The following EPHA5 variants were observed in gnomAD, a reference collection of about 807,000 sequenced individuals.
EPHA5 encodes the protein EPH receptor A5, also known as ephrin type-A receptor 5.
A neutral mutation model predicts 105.0 loss-of-function variants in EPHA5; 60 were observed. The ratio of observed to expected loss-of-function variants is 0.57; its 90% CI spans 0.46 to 0.71. The LOEUF (loss-of-function observed/expected upper bound fraction) is 0.71. EPHA5 is among the 30% of genes least tolerant of loss of function. The pLI, the probability that EPHA5 is intolerant of heterozygous loss-of-function variation, is 0.00. For synonymous variants in EPHA5, 513 were observed against 449.1 expected (o/e 1.14, Z -1.80); for missense variants, 1,218 against 1,274.7 (o/e 0.96, Z 0.68).
chr4:65,636,724 G>A (rs555251116), intron 2 of EPHA5, among the ~76,000 whole-genome samples: 1 of 152,066 alleles, frequency 6.6e-6, no homozygotes, highest in East Asian at 1.9e-4. Flanking sequence ...AGTGACCTTG[G>A]TCAAATACCA....
intron 5 of EPHA5, among the ~76,000 whole-genome samples, chr4:65,477,206 C>A (rs1293624492): frequency 1.3e-5 from 2 of 152,154 alleles, no homozygotes; most frequent in African/African-American, 2.4e-5. Context: ...AAGAAAGCAG[C>A]AATTTAAGTG....
chr4:65,477,130 A>G (rs1729899129), intron 5 of EPHA5, among the ~76,000 whole-genome samples: 1 of 152,224 alleles, frequency 6.6e-6, no homozygotes, highest in South Asian at 2.1e-4. Flanking sequence ...AAATTGTTAT[A>G]GCACCTGTGC....
At chr4:65,489,585 A>G (rs1162530987) in intron 5 of EPHA5, among the ~76,000 whole-genome samples, 1 of 152,196 alleles carries the variant, frequency 6.6e-6, no homozygotes, top group Non-Finnish European at 1.5e-5. Flanking sequence ...CATGCTAGAA[A>G]TTACTCTTAG....
intron 2 of EPHA5, among the ~76,000 whole-genome samples, chr4:65,609,391 AT>A: frequency 6.6e-6 from 1 of 152,302 alleles, no homozygotes; most frequent in Admixed American, 6.5e-5. Context: ...AAATGACTCT[AT>A]TAATTTTCTG....
At chr4:65,668,234 T>C (rs371049404) in intron 1 of EPHA5, among the ~76,000 whole-genome samples, 38 of 152,250 alleles carry the variant, frequency 2.5e-4, no homozygotes, top group African/African-American at 8.2e-4. Flanking sequence ...TGCTGGGATA[T>C]CAGCTCAGCG....
chr4:65,604,756 A>G (rs1744063540), intron 2 of EPHA5, among the ~76,000 whole-genome samples: 1 of 151,826 alleles, frequency 6.6e-6, no homozygotes, highest in African/African-American at 2.4e-5. Flanking sequence ...GAGGATGAAG[A>G]GAAAGTAACA....
intron 3 of EPHA5, among the ~76,000 whole-genome samples, chr4:65,531,494 TCATAAA>T (rs1442579277): frequency 1.4e-5 from 2 of 145,504 alleles, no homozygotes; most frequent in African/African-American, 4.9e-5. Flanking sequence ...AGGAATCTGA[TCATAAA>T]GAGGATATAC....
At chr4:65,446,927 A>G (rs1726591801) in intron 5 of EPHA5, among the ~76,000 whole-genome samples, 1 of 151,782 alleles carries the variant, frequency 6.6e-6, no homozygotes, top group Admixed American at 6.6e-5. Context: ...TATATTCAAT[A>G]GTTAGAATTA....
rs1252550899 is a variant in EPHA5, at chr4:65,322,679, A to T, written c.*1435T>A. ...TATATTCCTTAATAAGCCTAATTACATAATACCTTGGATTGGTTCAATAAA... is the reference window on the plus strand; with the variant it reads ...TATATTCCTTAATAAGCCTAATTACTTAATACCTTGGATTGGTTCAATAAA... On this transcript the variant is annotated 3_prime_UTR_variant, in exon 17 of 17. Transcript: ENST00000613740. 1.8e-5 allele frequency: 4 copies of T among 225,896 alleles called. No individual in the cohort carries two copies. The highest frequency in any genetic ancestry group is 2.6e-5 in the Non-Finnish European group (3 of 113,472). The allele number at this position is 225,896 out of a possible 1,614,324, so 14.0% of individuals were successfully genotyped here.
chr4:65,596,849 T>G (rs1013838429), intron 3 of EPHA5, among the ~76,000 whole-genome samples: 1 of 152,192 alleles, frequency 6.6e-6, no homozygotes, highest in African/African-American at 2.4e-5. Context: ...CCCTTTGATG[T>G]TTTTTGGTAA....
At chr4:65,515,563 C>T (rs575747304) in intron 3 of EPHA5, among the ~76,000 whole-genome samples, 1 of 152,032 alleles carries the variant, frequency 6.6e-6, no homozygotes, top group East Asian at 1.9e-4. Flanking sequence ...TGAACTTGTA[C>T]CTAAGTATTT....
intron 5 of EPHA5, among the ~76,000 whole-genome samples, chr4:65,458,232 T>C (rs962278723): frequency 2.6e-5 from 4 of 152,164 alleles, no homozygotes; most frequent in African/African-American, 9.7e-5. Context: ...AAATTTAGTT[T>C]CATACGAAGA....
intron 3 of EPHA5, among the ~76,000 whole-genome samples, chr4:65,601,131 A>T (rs1278195352): frequency 1.3e-5 from 2 of 152,328 alleles, no homozygotes; most frequent in East Asian, 3.9e-4. Flanking sequence ...CAGTAAACTA[A>T]TCCTGTCAGT....
chr4:65,574,667 C>CAT (rs1361215824), intron 3 of EPHA5, among the ~76,000 whole-genome samples: 1 of 87,208 alleles, frequency 1.1e-5, no homozygotes, highest in African/African-American at 4.7e-5. Context: ...TATATATATA[C>CAT]ACATATATAT....
intron 5 of EPHA5, among the ~76,000 whole-genome samples, chr4:65,482,762 A>G (rs1430304865): frequency 1.3e-5 from 2 of 152,206 alleles, no homozygotes; most frequent in African/African-American, 4.8e-5. Flanking sequence ...CTCTTGAAGA[A>G]GGACTCTGCA....
At chr4:65,325,394 T>C (rs1036320276) in intron 16 of EPHA5, among the ~76,000 whole-genome samples, 5 of 151,402 alleles carry the variant, frequency 3.3e-5, no homozygotes, top group Admixed American at 6.6e-5. Flanking sequence ...CAAAATAGTA[T>C]TTTAGTTTTC....
chr4:65,322,144 G>T lies in EPHA5; in HGVS notation c.*1970C>A, dbSNP rs1719685789. On this transcript the variant is annotated 3_prime_UTR_variant, in exon 17 of 17. Coordinates refer to ENST00000613740, the MANE Select transcript of EPHA5 (RefSeq NM_001281766.3). ...ATTATATGTTTGCAGCACAGTTTGT[G>T]TGGACCCATGGTATATAGCCCTTAT... 8.9e-6 allele frequency: 2 copies of T among 224,392 alleles called. No individual in the cohort carries two copies. The highest frequency in any genetic ancestry group is 4.5e-5 in the African/African-American group (2 of 44,842). 13.9% of individuals were successfully genotyped at this position (224,392 alleles called of 1,614,324 possible). A position where few individuals can be genotyped will look rare whatever the true frequency, so the allele number is the denominator to read the frequency against.
chr4:65,458,784 T>C lies in EPHA5; in HGVS notation c.1402+31593A>G, dbSNP rs144072695. On this transcript the variant is annotated intron_variant, in intron 5 of 16. Transcript: ENST00000613740. ...TGTATAAATAGAAACAAGCCTACAG[T>C]AAATATTACCTGTTATTAATTTGTT... Among the ~76,000 whole-genome samples, 535 of 152,214 alleles carry C rather than the reference T, an allele frequency of 3.5e-3. 2 individuals are homozygous for C. Among genetic ancestry groups the C allele is most frequent in the Middle Eastern group, 0.024 (7 of 294 alleles).
intron 5 of EPHA5, among the ~76,000 whole-genome samples, chr4:65,486,352 A>C (rs1730881406): frequency 6.7e-6 from 1 of 150,180 alleles, no homozygotes; most frequent in South Asian, 2.1e-4. Flanking sequence ...TATATGTGGG[A>C]TACCACATCC....
Sources: allele counts gnomAD v4.1 joint callset (sites outside exome capture counted in the v4.1 genomes callset), GRCh38; gene constraint gnomAD v4.1.1; transcripts MANE v1.5; gene names NCBI Gene and HGNC (gene_info 2026-07-23, HGNC 2026-07-21).